NFIB: variants seen among roughly 807,000 people sequenced by gnomAD.
The protein encoded by NFIB is nuclear factor I B.
Under a neutral mutation model 61.5 loss-of-function variants are expected in NFIB, and 11 were observed. That is an observed-to-expected ratio of 0.18 (90% CI 0.11 to 0.30). The LOEUF is 0.30. Among genes scored for constraint, NFIB ranks in the 10% least tolerant of loss-of-function variants. The pLI is 1.00. For missense variants in NFIB, 471 were observed against 608.9 expected, an observed-to-expected ratio of 0.77 and a Z score of 2.38; for synonymous variants, 260 against 216.5, an observed-to-expected ratio of 1.20 and a Z score of -1.76.
At chr9:14,259,958 T>C (rs958632763) in intron 2 of NFIB, among the ~76,000 whole-genome samples, 1 of 152,162 alleles carries the variant, frequency 6.6e-6, no homozygotes, top group Non-Finnish European at 1.5e-5. Flanking sequence ...ACAGATATTT[T>C]AGTTGACTGG....
At chr9:14,223,312 T>C (rs1316469932) in intron 2 of NFIB, among the ~76,000 whole-genome samples, 1 of 152,196 alleles carries the variant, frequency 6.6e-6, no homozygotes, top group Admixed American at 6.5e-5. Flanking sequence ...ACTCTGACCT[T>C]GTCCTCGCCT....
chr9:14,454,140 G>C, the NFIB span, among the ~76,000 whole-genome samples: 7 of 152,278 alleles, frequency 4.6e-5, no homozygotes, highest in African/African-American at 1.7e-4. Context: ...AGACTCACAT[G>C]TTGCCATTTG....
intron 10 of NFIB, among the ~76,000 whole-genome samples, chr9:14,093,896 C>T (rs1202383455): frequency 6.6e-6 from 1 of 152,048 alleles, no homozygotes. Context: ...TGTATTAGAA[C>T]AAAGAAAATA....
chr9:14,485,798 C>G, the NFIB span, among the ~76,000 whole-genome samples: 1 of 152,038 alleles, frequency 6.6e-6, no homozygotes, highest in Admixed American at 6.6e-5. Context: ...TCACTCAAAC[C>G]CGGGAAGCAG....
the NFIB span, among the ~76,000 whole-genome samples, chr9:14,515,804 C>T: frequency 6.6e-6 from 1 of 152,202 alleles, no homozygotes; most frequent in Admixed American, 6.5e-5. Context: ...CTAGACGATG[C>T]CAAAGCTTTG....
At chr9:14,513,635 A>AAAAAAGAAAAAG in the NFIB span, among the ~76,000 whole-genome samples, 1 of 143,594 alleles carries the variant, frequency 7.0e-6, no homozygotes, top group Non-Finnish European at 1.5e-5. Flanking sequence ...CTCAAAAAAA[A>AAAAAAGAAAAAG]AAAAGAAAAA....
At chr9:14,472,152 T>C in the NFIB span, among the ~76,000 whole-genome samples, 1 of 152,240 alleles carries the variant, frequency 6.6e-6, no homozygotes, top group African/African-American at 2.4e-5. Context: ...TTGAGGTCTA[T>C]GTTGTGTCCC....
intron 1 of NFIB, among the ~76,000 whole-genome samples, chr9:14,369,705 A>T (rs1242360312): frequency 1.3e-5 from 2 of 152,044 alleles, no homozygotes; most frequent in African/African-American, 4.8e-5. Flanking sequence ...ATTAGTCACC[A>T]CGTTTTATTG....
Position 14,087,423 on chromosome 9 carries a change from A to T in NFIB, c.*886T>A, listed in dbSNP as rs945485355. 6 of 211,912 alleles carry T rather than the reference A, an allele frequency of 2.8e-5. No individual in the cohort carries two copies. Among genetic ancestry groups the T allele is most frequent in the Non-Finnish European group, 5.8e-5 (6 of 104,234 alleles). 13.1% of individuals were successfully genotyped at this position (211,912 alleles called of 1,614,324 possible). On this transcript the variant is annotated 3_prime_UTR_variant, in exon 11 of 11. Coordinates refer to ENST00000380953, the MANE Select transcript of NFIB (RefSeq NM_001190737.2). Reference sequence around the variant, plus strand: ...ATGATTCCCCTTTAGATATAAATTTATAAATTGCACTTGCCTCTGTTAAGT... The same window carrying T: ...ATGATTCCCCTTTAGATATAAATTTTTAAATTGCACTTGCCTCTGTTAAGT...
At chr9:14,469,347 G>A in the NFIB span, among the ~76,000 whole-genome samples, 2 of 152,162 alleles carry the variant, frequency 1.3e-5, no homozygotes, top group Non-Finnish European at 2.9e-5. Context: ...CTGGTGATGA[G>A]AAGTGCCCAC....
chr9:14,450,781 C>A, the NFIB span, among the ~76,000 whole-genome samples: 2 of 152,260 alleles, frequency 1.3e-5, no homozygotes, highest in African/African-American at 2.4e-5. Context: ...ATTTATCAAC[C>A]GGCCATGAAG....
chr9:14,335,284 G>GT (rs1414597880), intron 1 of NFIB, among the ~76,000 whole-genome samples: 1 of 152,184 alleles, frequency 6.6e-6, no homozygotes, highest in Non-Finnish European at 1.5e-5. Context: ...AAAAGTGGCT[G>GT]TATCACTTCA....
intron 1 of NFIB, among the ~76,000 whole-genome samples, chr9:14,329,531 T>A (rs908670470): frequency 7.9e-5 from 12 of 152,030 alleles, no homozygotes; most frequent in African/African-American, 2.9e-4. Flanking sequence ...TTTTTCTTTT[T>A]TAAGACGGAG....
chr9:14,419,879 G>A, the NFIB span, among the ~76,000 whole-genome samples: 1 of 152,162 alleles, frequency 6.6e-6, no homozygotes, highest in Non-Finnish European at 1.5e-5. Context: ...ACCTGAGCTT[G>A]TGAATAGACC....
In NFIB at chr9:14,391,710, G is replaced by A. The variant is rs1167363958; in HGVS notation, c.108+6814C>T. On this transcript the variant is annotated intron_variant, in intron 1 of 8. Transcript: ENST00000380934. ...TGTGCATGTGCATAGCCCACCCCAA[G>A]GGAAGAATCAGGGGAGAAAAAAAAC... Among the ~76,000 whole-genome samples, 11 of 152,186 alleles carry A rather than the reference G, an allele frequency of 7.2e-5. No individual in the cohort carries two copies. The South Asian group carries it at 2.3e-3, about 32-fold the overall frequency.
chr9:14,112,859 A>T (rs2037582054), intron 10 of NFIB, 140 bp downstream of exon 10: 1 of 682,784 alleles, frequency 1.5e-6, no homozygotes, highest in African/African-American at 1.8e-5. Flanking sequence ...AATGAGAAAA[A>T]ATTCTGGGAA....
At chr9:14,467,170 G>A in the NFIB span, among the ~76,000 whole-genome samples, 1 of 152,192 alleles carries the variant, frequency 6.6e-6, no homozygotes, top group Non-Finnish European at 1.5e-5. Context: ...AATCCAAATA[G>A]AGTTCATCAT....
chr9:14,337,452 C>T (rs1020057425), intron 1 of NFIB, among the ~76,000 whole-genome samples: 1 of 152,114 alleles, frequency 6.6e-6, no homozygotes, highest in Admixed American at 6.5e-5. Context: ...TAATGGTTAC[C>T]TCTCAGGAGA....
intron 2 of NFIB, among the ~76,000 whole-genome samples, chr9:14,220,368 A>T (rs2051486449): frequency 6.6e-6 from 1 of 152,226 alleles, no homozygotes; most frequent in Admixed American, 6.5e-5. Context: ...TGTGGTTCAT[A>T]GGCTTAGAGA....
Sources: gnomAD v4.1 joint callset for allele counts (sites outside exome capture counted in the v4.1 genomes callset) on GRCh38, gnomAD v4.1.1 for gene constraint, MANE v1.5 for transcripts, NCBI Gene and HGNC (gene_info 2026-07-23, HGNC 2026-07-21) for gene names.